Variants in ARHGEF12 observed in about 807,000 individuals in gnomAD.
ARHGEF12 encodes the protein KMT2A/ARHGEF12 fusion protein.
A neutral mutation model predicts 211.2 loss-of-function variants in ARHGEF12; 66 were observed. That is an observed-to-expected ratio of 0.31 (90% CI 0.26 to 0.38). ARHGEF12 has a LOEUF of 0.38. Among genes scored for constraint, ARHGEF12 ranks in the 10% least tolerant of loss-of-function variants. The pLI, the probability that ARHGEF12 is intolerant of heterozygous loss-of-function variation, is 1.00. For synonymous variants in ARHGEF12, 592 were observed against 638.4 expected (o/e 0.93, Z 1.09); for missense variants, 1,429 against 1,869.5 (o/e 0.76, Z 4.34).
At chr11:120,483,870 T>C (rs989325193) in intron 39 of ARHGEF12, among the ~76,000 whole-genome samples, 1 of 152,194 alleles carries the variant, frequency 6.6e-6, no homozygotes, top group African/African-American at 2.4e-5. Flanking sequence ...TGCCTCGGCC[T>C]CCCAAAGTGT....
At chr11:120,421,455 T>TTTTTTTTTTTTTTTTTTTTTTTTG (rs1555109035) in intron 5 of ARHGEF12, among the ~76,000 whole-genome samples, 1 of 99,926 alleles carries the variant, frequency 1.0e-5, no homozygotes, top group Non-Finnish European at 2.0e-5. Context: ...TTTTTTTTTT[T>TTTTTTTTTTTTTTTTTTTTTTTTG]GGAGATGGAG....
At chr11:120,420,636 CA>C in intron 4 of ARHGEF12, 116 bp from the exon 5 acceptor site, 1 of 762,812 alleles carries the variant, frequency 1.3e-6, no homozygotes, top group Non-Finnish European at 2.1e-6. Context: ...TGTGGATTTA[CA>C]TGTGCTACTT....
At chr11:120,418,091 A>T (rs1355857149) in intron 4 of ARHGEF12, among the ~76,000 whole-genome samples, 2 of 152,210 alleles carry the variant, frequency 1.3e-5, no homozygotes, top group Non-Finnish European at 2.9e-5. Flanking sequence ...ATAAAATAAG[A>T]TGCACTAATT....
In ARHGEF12 at chr11:120,441,760, G is replaced by A. The variant is rs776576188; in HGVS notation, c.1146G>A (p.Pro382=). The change falls in exon 14 of 41, where the codon CCG becomes CCA. Residue 382 remains proline (P), a synonymous_variant. Transcript: ENST00000397843. ...FQSIELLKSR[P]AHLAVFLHHV... is the part of the protein sequence containing the mutation. The stretch of plus-strand genomic sequence containing the variant: ...GCATTGAATTACTAAAATCTCGCCC[G>A]GCTCATTTGGCTGTTTTCTTACACC... 29 of 1,613,780 alleles carry A rather than the reference G, an allele frequency of 1.8e-5. No individual in the cohort carries two copies. In the South Asian group the frequency reaches 2.2e-4, roughly 12 times the overall value.
chr11:120,440,295 G>A lies in ARHGEF12; in HGVS notation c.1092+74G>A, dbSNP rs145278231. The A allele has an allele frequency of 8.9e-3, 10,687 of 1,196,786 alleles. 87 individuals carry two copies. Among genetic ancestry groups the A allele is most frequent in the Middle Eastern group, 0.013 (66 of 5,162 alleles). 74.1% of individuals were successfully genotyped at this position (1,196,786 alleles called of 1,614,324 possible). A position where few individuals can be genotyped will look rare whatever the true frequency, so the allele number is the denominator to read the frequency against. On this transcript the variant is annotated intron_variant, in intron 13 of 40. Coordinates refer to ENST00000397843, the MANE Select transcript of ARHGEF12 (RefSeq NM_015313.3). ...TCTGATTTGTTGCAAAAATGAGCACGTTCTGGAGATTAAGATAACATTTGT... is the reference window on the plus strand; with the variant it reads ...TCTGATTTGTTGCAAAAATGAGCACATTCTGGAGATTAAGATAACATTTGT...
At chr11:120,410,315 G>GT (rs1319184207) in intron 4 of ARHGEF12, 1 of 142,168 alleles carries the variant, frequency 7.0e-6, no homozygotes, top group East Asian at 2.0e-4. Flanking sequence ...TTGGTTTTTT[G>GT]TTTTTTGAGA....
At chr11:120,387,076 G>A (rs181068011) in intron 1 of ARHGEF12, among the ~76,000 whole-genome samples, 1 of 152,170 alleles carries the variant, frequency 6.6e-6, no homozygotes, top group African/African-American at 2.4e-5. Flanking sequence ...AACATCGTCT[G>A]TAAAGTGTGA....
intron 1 of ARHGEF12, among the ~76,000 whole-genome samples, chr11:120,356,733 T>C (rs17123848): frequency 0.017 from 2,634 of 152,316 alleles, 76 homozygotes; most frequent in Admixed American, 0.068. Context: ...TGCTAAAAAG[T>C]TACTCCAAAG....
At chr11:120,458,567 T>A in intron 25 of ARHGEF12, 1 of 269,154 alleles carries the variant, frequency 3.7e-6, no homozygotes, top group Non-Finnish European at 7.1e-6. Flanking sequence ...GGAGATTGAA[T>A]TCGTTAAGAT....
chr11:120,467,557 C>T (rs895246759), intron 29 of ARHGEF12, among the ~76,000 whole-genome samples: 2 of 150,846 alleles, frequency 1.3e-5, no homozygotes, highest in African/African-American at 4.9e-5. Flanking sequence ...TTCCTTCCAC[C>T]TCAGCTTCCC....
rs1947437375 is a variant in ARHGEF12, at chr11:120,487,918, A to G, written c.*2841A>G. The G allele has an allele frequency of 4.5e-6, 1 of 220,298 alleles. No individual in the cohort carries two copies. The highest frequency in any genetic ancestry group is 5.8e-5 in the Admixed American group (1 of 17,316). The allele number at this position is 220,298 out of a possible 1,614,324, so 13.6% of individuals were successfully genotyped here. A position where few individuals can be genotyped will look rare whatever the true frequency, so the allele number is the denominator to read the frequency against. On this transcript the variant is annotated 3_prime_UTR_variant, in exon 41 of 41. Transcript: ENST00000397843. Reference sequence around the variant, plus strand: ...ATTTTGCATACTTTAAAATCACCTAACTTGGACTGCTTGAATTACATTGGC... The same window carrying G: ...ATTTTGCATACTTTAAAATCACCTAGCTTGGACTGCTTGAATTACATTGGC...
chr11:120,452,568 G>C (rs1381586311), intron 22 of ARHGEF12, among the ~76,000 whole-genome samples: 1 of 152,190 alleles, frequency 6.6e-6, no homozygotes, highest in Non-Finnish European at 1.5e-5. Flanking sequence ...ACGTCACCAA[G>C]TGTGATTTTT....
At chr11:120,474,112 C>T (rs995821831) in intron 31 of ARHGEF12, among the ~76,000 whole-genome samples, 10 of 152,184 alleles carry the variant, frequency 6.6e-5, no homozygotes, top group African/African-American at 2.4e-4. Flanking sequence ...CTGAGTAGTA[C>T]CTGGACTTTT....
At chr11:120,443,584 T>C (rs1393436318) in intron 15 of ARHGEF12, among the ~76,000 whole-genome samples, 2 of 152,234 alleles carry the variant, frequency 1.3e-5, no homozygotes, top group Non-Finnish European at 2.9e-5. Flanking sequence ...CTGTACACTT[T>C]CACATTCAAT....
At chr11:120,475,555 T>G in intron 33 of ARHGEF12, 48 bp downstream of exon 33, 1 of 1,582,054 alleles carries the variant, frequency 6.3e-7, no homozygotes, top group Non-Finnish European at 8.7e-7. Flanking sequence ...CATTGTGAAG[T>G]TGCATAAGAT....
chr11:120,359,132 C>T (rs544264640), intron 1 of ARHGEF12, among the ~76,000 whole-genome samples: 1 of 152,252 alleles, frequency 6.6e-6, no homozygotes, highest in African/African-American at 2.4e-5. Flanking sequence ...AAAAGTCACA[C>T]TACATCATTT....
rs536573724 is a variant in ARHGEF12, at chr11:120,382,391, T to C, written c.33-23727T>C. Reference sequence around the variant, plus strand: ...TTTGCATTATTGATTAATATTCTAATGTGTGAATAAACTACAGTTTTAAAA... The same window carrying C: ...TTTGCATTATTGATTAATATTCTAACGTGTGAATAAACTACAGTTTTAAAA... On this transcript the variant is annotated intron_variant, in intron 1 of 40. Coordinates refer to ENST00000397843, the MANE Select transcript of ARHGEF12 (RefSeq NM_015313.3). 5.9e-5 allele frequency among the ~76,000 whole-genome samples: 9 copies of C among 152,366 alleles called. No homozygotes were observed. In the South Asian group the frequency reaches 1.0e-3, roughly 18 times the overall value.
chr11:120,429,753 G>C lies in ARHGEF12; in HGVS notation c.705G>C (p.Leu235Phe), dbSNP rs758648742. The change falls in exon 10 of 41, where the codon TTG becomes TTC. Residue 235 changes from leucine (L) to phenylalanine (F), a missense_variant. Coordinates refer to ENST00000397843, the MANE Select transcript of ARHGEF12 (RefSeq NM_015313.3). ...EDYNRTPAQR[L>F]LKEIQEAKKH... ...ACAACCGAACACCTGCCCAAAGATT[G>C]CTAAAAGAGATCCAAGAGGCCAAGA... 9 of 1,613,774 alleles carry C rather than the reference G, an allele frequency of 5.6e-6. No homozygotes were observed. The highest frequency in any genetic ancestry group is 7.6e-6 in the Non-Finnish European group (9 of 1,179,892).
At position 120,430,835 on chromosome 11, in the gene ARHGEF12, A is replaced by C. The variant is rs555478397; in HGVS notation, c.784-936A>C. Among the ~76,000 whole-genome samples, 4 of 152,310 alleles carry C rather than the reference A, an allele frequency of 2.6e-5. No individual in the cohort carries two copies. In the South Asian group the frequency reaches 8.3e-4, roughly 32 times the overall value. On this transcript the variant is annotated intron_variant, in intron 10 of 40. Coordinates refer to ENST00000397843, the MANE Select transcript of ARHGEF12 (RefSeq NM_015313.3). ...GCCATACAGTATGTAAGGTCCCCTG[A>C]CATCCTGGTTTAGTGTACTTTTCAT...
Sources: gnomAD v4.1 joint callset for allele counts (sites outside exome capture counted in the v4.1 genomes callset) on GRCh38, gnomAD v4.1.1 for gene constraint, MANE v1.5 for transcripts, NCBI Gene and HGNC (gene_info 2026-07-23, HGNC 2026-07-21) for gene names.